The following CSMD1 variants were observed in gnomAD, a reference collection of about 807,000 sequenced individuals.
CSMD1 encodes the protein CUB and Sushi multiple domains 1.
A neutral mutation model predicts 417.5 loss-of-function variants in CSMD1; 213 were observed. The observed-to-expected ratio is 0.51, with a 90% CI of 0.46 to 0.57. The LOEUF (loss-of-function observed/expected upper bound fraction) is 0.57, where lower values mean the gene tolerates loss of function less well. Ranked by LOEUF, CSMD1 falls within the 20% of genes least tolerant of loss-of-function variation. The pLI is 0.00. For missense variants in CSMD1, 6,923 were observed against 4,529.7 expected (o/e 1.53, Z -15.17); for synonymous variants, 2,862 against 1,736.8 (o/e 1.65, Z -16.11).
At chr8:3,043,178 C>T (rs780607191) in intron 50 of CSMD1, among the ~76,000 whole-genome samples, 633 of 144,626 alleles carry the variant, frequency 4.4e-3, no homozygotes, top group African/African-American at 0.017. Flanking sequence ...TTATATAGTA[C>T]CATAGGTCAC....
intron 6 of CSMD1, among the ~76,000 whole-genome samples, chr8:3,719,928 G>A (rs574397427): frequency 1.2e-4 from 18 of 152,202 alleles, no homozygotes; most frequent in Admixed American, 6.5e-4. Context: ...CCTCTAAATC[G>A]CAGATTCCTC....
intron 5 of CSMD1, among the ~76,000 whole-genome samples, chr8:3,863,367 G>C (rs1804854015): frequency 6.9e-6 from 1 of 144,262 alleles, no homozygotes; most frequent in South Asian, 2.2e-4. Context: ...CTGCACTCTA[G>C]CCTAGGCTAC....
At chr8:4,066,232 C>A (rs1799240829) in intron 3 of CSMD1, among the ~76,000 whole-genome samples, 2 of 152,216 alleles carry the variant, frequency 1.3e-5, no homozygotes, top group African/African-American at 2.4e-5. Flanking sequence ...CGCCTCCTTC[C>A]TTCTTTGTCT....
chr8:4,070,679 C>T (rs530597542), intron 3 of CSMD1, among the ~76,000 whole-genome samples: 4 of 152,024 alleles, frequency 2.6e-5, no homozygotes, highest in East Asian at 1.9e-4. Context: ...ACTCTCTATT[C>T]GTCACTGAAG....
chr8:3,714,731 T>A (rs1801731176), intron 6 of CSMD1, among the ~76,000 whole-genome samples: 1 of 152,016 alleles, frequency 6.6e-6, no homozygotes, highest in African/African-American at 2.4e-5. Context: ...AGTGAGACCC[T>A]TTAGTTTCTC....
intron 3 of CSMD1, among the ~76,000 whole-genome samples, chr8:4,131,422 T>C (rs1803096060): frequency 6.6e-6 from 1 of 152,138 alleles, no homozygotes; most frequent in African/African-American, 2.4e-5. Context: ...ACCACCTCTC[T>C]CTCAACTACC....
At chr8:4,315,165 C>T (rs1043117899) in intron 3 of CSMD1, among the ~76,000 whole-genome samples, 2 of 152,178 alleles carry the variant, frequency 1.3e-5, no homozygotes, top group Admixed American at 1.3e-4. Flanking sequence ...CTACCGGAGA[C>T]AGATGACACT....
chr8:4,852,383 C>G (rs1279891847), intron 1 of CSMD1, among the ~76,000 whole-genome samples: 2 of 152,096 alleles, frequency 1.3e-5, no homozygotes, highest in Non-Finnish European at 2.9e-5. Context: ...TGTGGCTCCT[C>G]TCCTCTCTCT....
chr8:4,708,404 T>C (rs780261204), intron 1 of CSMD1, among the ~76,000 whole-genome samples: 5 of 152,354 alleles, frequency 3.3e-5, no homozygotes, highest in Middle Eastern at 6.8e-3. Context: ...ACTGAATATG[T>C]ATCTGGTAAA....
chr8:4,339,197 T>A (rs1004125972), intron 3 of CSMD1, among the ~76,000 whole-genome samples: 18 of 152,086 alleles, frequency 1.2e-4, no homozygotes, highest in Non-Finnish European at 2.2e-4. Context: ...TCAAAGGAGA[T>A]CTGCAAGTAT....
intron 5 of CSMD1, among the ~76,000 whole-genome samples, chr8:3,913,332 C>T (rs1808586588): frequency 6.6e-6 from 1 of 152,044 alleles, no homozygotes; most frequent in East Asian, 1.9e-4. Context: ...AGTGAGAATC[C>T]AAGGCCAATC....
chr8:4,752,504 C>A (rs541682213), intron 1 of CSMD1, among the ~76,000 whole-genome samples: 1 of 152,080 alleles, frequency 6.6e-6, no homozygotes, highest in Non-Finnish European at 1.5e-5. Context: ...GTTATAAGGG[C>A]TAAAACGTGA....
intron 6 of CSMD1, among the ~76,000 whole-genome samples, chr8:3,711,745 A>G (rs4355797): frequency 6.6e-6 from 1 of 152,000 alleles, no homozygotes; most frequent in Non-Finnish European, 1.5e-5. Flanking sequence ...TGGCAAACGT[A>G]TCACCCCCAC....
At chr8:4,390,297 T>C (rs962934624) in intron 3 of CSMD1, among the ~76,000 whole-genome samples, 6 of 152,106 alleles carry the variant, frequency 3.9e-5, no homozygotes, top group African/African-American at 1.4e-4. Context: ...GCAATCAAGT[T>C]ATCTCTTATT....
chr8:4,826,691 C>G (rs1471988355), intron 1 of CSMD1, among the ~76,000 whole-genome samples: 1 of 152,112 alleles, frequency 6.6e-6, no homozygotes, highest in East Asian at 1.9e-4. Flanking sequence ...ATTCTAAGCT[C>G]CTTTCCCTGC....
intron 3 of CSMD1, among the ~76,000 whole-genome samples, chr8:4,335,277 G>A (rs547762835): frequency 6.6e-6 from 1 of 152,150 alleles, no homozygotes; most frequent in South Asian, 2.1e-4. Flanking sequence ...CCTCCCAAAT[G>A]CCCTATGTCC....
At chr8:4,315,334 T>G (rs1585215787) in intron 3 of CSMD1, among the ~76,000 whole-genome samples, 1 of 152,162 alleles carries the variant, frequency 6.6e-6, no homozygotes, top group Admixed American at 6.6e-5. Context: ...CTAGCTGCTG[T>G]TGCTGCACTG....
chr8:3,290,893 GGTCTTGTGCCT>G (rs1803508112), intron 25 of CSMD1, among the ~76,000 whole-genome samples: 1 of 151,940 alleles, frequency 6.6e-6, no homozygotes, highest in Admixed American at 6.6e-5. Flanking sequence ...AGGGCATCCT[GGTCTTGTGCCT>G]GTTTTCAAAG....
intron 3 of CSMD1, among the ~76,000 whole-genome samples, chr8:4,343,306 T>C (rs1473732062): frequency 6.6e-6 from 1 of 151,940 alleles, no homozygotes. Flanking sequence ...GGCCAAAGGG[T>C]ACAAAATTTT....
Sources: gnomAD v4.1 joint callset for allele counts (sites outside exome capture counted in the v4.1 genomes callset) on GRCh38, gnomAD v4.1.1 for gene constraint, MANE v1.5 for transcripts, NCBI Gene and HGNC (gene_info 2026-07-23, HGNC 2026-07-21) for gene names.